The following TENM2 variants were observed in gnomAD, a reference collection of about 807,000 sequenced individuals.
TENM2 encodes the protein teneurin transmembrane protein 2, also known as teneurin-2.
Under a neutral mutation model 245.2 loss-of-function variants are expected in TENM2, and 52 were observed. The observed-to-expected ratio is 0.21, with a 90% CI of 0.17 to 0.27. TENM2 has a LOEUF of 0.27. TENM2 is among the 10% of genes least tolerant of loss of function. The probability of loss-of-function intolerance (pLI) is 1.00; values close to 1 mark genes in which losing one functional copy is unlikely to be tolerated. For missense variants in TENM2, 3,046 were observed against 3,666.8 expected, an observed-to-expected ratio of 0.83 and a Z score of 4.37; for synonymous variants, 1,363 against 1,438.9, an observed-to-expected ratio of 0.95 and a Z score of 1.19.
chr5:167,895,008 AG>A (rs1775102017), intron 3 of TENM2, among the ~76,000 whole-genome samples: 2 of 91,424 alleles, frequency 2.2e-5, no homozygotes, highest in African/African-American at 4.2e-5. Flanking sequence ...GAAGGAAGGA[AG>A]GGAGGGAGGG....
At chr5:168,168,749 A>G (rs1246017596) in intron 13 of TENM2, among the ~76,000 whole-genome samples, 1 of 151,600 alleles carries the variant, frequency 6.6e-6, no homozygotes, top group East Asian at 1.9e-4. Context: ...TGACTTCAGT[A>G]TGATTTAGAA....
In TENM2 at chr5:167,486,407, C is replaced by T. The variant is rs563638557; in HGVS notation, c.502+110934C>T. ...GCAGTGGCGCCATCTCGGCTTGCTG[C>T]AAGCTCTGCCTCCCGGGTTCACGCC... On this transcript the variant is annotated intron_variant, in intron 2 of 28. Coordinates refer to ENST00000518659, the Ensembl canonical transcript of TENM2. 1.9e-3 allele frequency among the ~76,000 whole-genome samples: 290 copies of T among 151,164 alleles called. 1 individual carries two copies. Among genetic ancestry groups the T allele is most frequent in the Non-Finnish European group, 3.1e-3 (209 of 67,882 alleles).
At chr5:168,098,122 C>T (rs774618016) in exon 9 of TENM2, 1 of 1,611,582 alleles carries the variant, frequency 6.2e-7, no homozygotes, top group Non-Finnish European at 8.5e-7. Context: ...GCAGACTGTG[C>T]TAAAGGTATG....
the TENM2 span, among the ~76,000 whole-genome samples, chr5:167,240,131 A>G: frequency 6.6e-6 from 1 of 152,096 alleles, no homozygotes; most frequent in African/African-American, 2.4e-5. Context: ...ATACTTTTTC[A>G]TAAGCTTGTA....
chr5:168,181,767 C>A (rs1336388535), intron 13 of TENM2, among the ~76,000 whole-genome samples: 1 of 150,892 alleles, frequency 6.6e-6, no homozygotes, highest in Non-Finnish European at 1.5e-5. Context: ...ACCTCCACCT[C>A]CCGAGTTCAA....
intron 2 of TENM2, among the ~76,000 whole-genome samples, chr5:167,687,204 T>C (rs902144438): frequency 3.3e-5 from 5 of 152,212 alleles, no homozygotes; most frequent in African/African-American, 1.2e-4. Flanking sequence ...TTTGATTTCT[T>C]TAAGTCAAAG....
chr5:167,461,098 G>A (rs149343495), intron 2 of TENM2, among the ~76,000 whole-genome samples: 45 of 152,168 alleles, frequency 3.0e-4, no homozygotes, highest in Middle Eastern at 3.4e-3. Flanking sequence ...AGCATTATGC[G>A]TCAATATTGG....
At chr5:168,016,343 A>G (rs11134485) in intron 5 of TENM2, among the ~76,000 whole-genome samples, 52,392 of 152,138 alleles carry the variant, frequency 0.34, 9,494 homozygotes, top group African/African-American at 0.44. Context: ...ACTCTGTCTT[A>G]CTATCATTCC....
At chr5:167,585,928 C>G (rs1286408446) in intron 2 of TENM2, among the ~76,000 whole-genome samples, 1 of 151,904 alleles carries the variant, frequency 6.6e-6, no homozygotes, top group African/African-American at 2.4e-5. Flanking sequence ...GGTTTGAGAC[C>G]AGCCTGGGCA....
At chr5:167,778,203 G>A (rs535498439) in intron 2 of TENM2, among the ~76,000 whole-genome samples, 1 of 152,306 alleles carries the variant, frequency 6.6e-6, no homozygotes, top group Non-Finnish European at 1.5e-5. Flanking sequence ...AGAGGTGGGA[G>A]GAAAGAAAAC....
chr5:167,506,180 T>C (rs1769533306), intron 2 of TENM2, among the ~76,000 whole-genome samples: 1 of 152,210 alleles, frequency 6.6e-6, no homozygotes, highest in South Asian at 2.1e-4. Flanking sequence ...TAGTACTTGC[T>C]CCATCATGTG....
intron 7 of TENM2, among the ~76,000 whole-genome samples, chr5:168,079,658 A>T (rs1294240221): frequency 1.3e-5 from 2 of 152,050 alleles, no homozygotes; most frequent in African/African-American, 2.4e-5. Flanking sequence ...GAATTTTGTC[A>T]AAGGCCTTTT....
the TENM2 span, among the ~76,000 whole-genome samples, chr5:167,049,292 C>A: frequency 1.3e-5 from 2 of 152,162 alleles, no homozygotes; most frequent in Non-Finnish European, 2.9e-5. Flanking sequence ...ACACACGAGT[C>A]ACGTGTATGT....
At position 167,582,749 on chromosome 5, in the gene TENM2, GC is replaced by G. The variant is rs548500447; in HGVS notation, c.502+207277del. 2.5e-3 allele frequency among the ~76,000 whole-genome samples: 384 copies of G among 152,196 alleles called. 1 individual carries two copies. The highest frequency in any genetic ancestry group is 8.2e-3 in the African/African-American group (339 of 41,528). On this transcript the variant is annotated intron_variant, in intron 2 of 28. Transcript: ENST00000518659. The stretch of plus-strand genomic sequence containing the variant: ...TATAACAGGCTGTGATTCTCCAGAA[GC>G]TTTTTTGAGGATTTTTTTTTAAATG...
At chr5:167,547,160 A>G (rs1428785631) in intron 2 of TENM2, among the ~76,000 whole-genome samples, 1 of 152,126 alleles carries the variant, frequency 6.6e-6, no homozygotes, top group Non-Finnish European at 1.5e-5. Flanking sequence ...ATCTCGGCTC[A>G]CTGCAACCTC....
At chr5:166,986,766 T>C in the TENM2 span, among the ~76,000 whole-genome samples, 1 of 152,306 alleles carries the variant, frequency 6.6e-6, no homozygotes, top group East Asian at 1.9e-4. Flanking sequence ...TTATTGTGAA[T>C]TGCCATTTAT....
chr5:167,445,217 T>A (rs1359844647), intron 2 of TENM2, among the ~76,000 whole-genome samples: 1 of 151,628 alleles, frequency 6.6e-6, no homozygotes, highest in Non-Finnish European at 1.5e-5. Context: ...ATGCATTGTC[T>A]AGAGCATTCA....
chr5:167,178,620 C>A, the TENM2 span, among the ~76,000 whole-genome samples: 2 of 152,000 alleles, frequency 1.3e-5, no homozygotes, highest in Admixed American at 6.6e-5. Context: ...GCGAGTACAA[C>A]CTTTTCAAAA....
At chr5:168,238,544 G>A (rs753617878) in intron 25 of TENM2, among the ~76,000 whole-genome samples, 1 of 152,112 alleles carries the variant, frequency 6.6e-6, no homozygotes, top group Non-Finnish European at 1.5e-5. Flanking sequence ...TTACAATTCC[G>A]TTTCCTGGAG....
Sources: gnomAD v4.1 joint callset for allele counts (sites outside exome capture counted in the v4.1 genomes callset) on GRCh38, gnomAD v4.1.1 for gene constraint, MANE v1.5 for transcripts, NCBI Gene and HGNC (gene_info 2026-07-23, HGNC 2026-07-21) for gene names.